PAPSS2: variants seen among roughly 807,000 people sequenced by gnomAD.
PAPSS2 encodes the protein 3'-phosphoadenosine 5'-phosphosulfate synthase 2.
Under a neutral mutation model 66.5 loss-of-function variants are expected in PAPSS2, and 61 were observed. The observed-to-expected ratio is 0.92, with a 90% CI of 0.75 to 1.14. The LOEUF is 1.14. Ranked by LOEUF, PAPSS2 falls within the 50% of genes most tolerant of loss-of-function variation. The probability of loss-of-function intolerance (pLI) is 0.00; values close to 1 mark genes in which losing one functional copy is unlikely to be tolerated. For missense variants in PAPSS2, 708 were observed against 789.6 expected, an observed-to-expected ratio of 0.90 and a Z score of 1.24; for synonymous variants, 289 against 287.5, an observed-to-expected ratio of 1.01 and a Z score of -0.05.
intron 9 of PAPSS2, among the ~76,000 whole-genome samples, chr10:87,732,687 G>C (rs6586101): frequency 5.3e-5 from 8 of 151,994 alleles, no homozygotes; most frequent in Non-Finnish European, 1.0e-4. Flanking sequence ...GCAGTAGTCT[G>C]GAACTGAACC....
chr10:87,701,360 CTTTCTTTCTTTCTTTCTTTCTT>C (rs1564716741), intron 1 of PAPSS2, among the ~76,000 whole-genome samples: 1 of 98,664 alleles, frequency 1.0e-5, no homozygotes, highest in African/African-American at 4.6e-5. Context: ...TTCTTTCTTT[CTTTCTTTCTTTCTTTCTTTCTT>C]TCTTTCTTTC....
chr10:87,734,271 T>C (rs1232873296), intron 9 of PAPSS2, among the ~76,000 whole-genome samples: 1 of 152,120 alleles, frequency 6.6e-6, no homozygotes, highest in Non-Finnish European at 1.5e-5. Context: ...CACTGTTTCT[T>C]CCACCTCTGC....
chr10:87,742,398 G>A lies in PAPSS2; in HGVS notation c.1223-975G>A, dbSNP rs565834788. 1.7e-3 allele frequency among the ~76,000 whole-genome samples: 252 copies of A among 152,304 alleles called. 1 individual carries two copies. The highest frequency in any genetic ancestry group is 0.01 in the Middle Eastern group (3 of 294). On this transcript the variant is annotated intron_variant, in intron 10 of 12. Transcript: ENST00000456849. ...ATTACAGTGGCTACCTCTTGGGGAT[G>A]GAGTTTGGACTAAGAGATTTTTACT...
chr10:87,727,710 C>T (rs1254862369), intron 9 of PAPSS2, among the ~76,000 whole-genome samples: 1 of 152,114 alleles, frequency 6.6e-6, no homozygotes, highest in Admixed American at 6.6e-5. Context: ...TCTCTTGAGT[C>T]CTCAGATTCT....
At chr10:87,738,509 A>G (rs981311504) in intron 9 of PAPSS2, among the ~76,000 whole-genome samples, 24 of 152,120 alleles carry the variant, frequency 1.6e-4, no homozygotes, top group Admixed American at 3.9e-4. Context: ...TCCCAGGCTC[A>G]GGTGATCCTC....
chr10:87,745,154 C>T lies in PAPSS2; in HGVS notation c.1644C>T (p.Thr548=). The T allele has an allele frequency of 3.1e-6, 5 of 1,614,152 alleles. No homozygotes were observed. In the East Asian group the frequency reaches 6.7e-5, roughly 22 times the overall value. ...TCTTGAGCATGGCCCCTGGCCTCACCTCTGTGGAAATCATTCCATTCCGAG... is the reference window on the plus strand; with the variant it reads ...TCTTGAGCATGGCCCCTGGCCTCACTTCTGTGGAAATCATTCCATTCCGAG... ...GKVLSMAPGL[T]SVEIIPFRVA... The change falls in exon 12 of 13, where the codon ACC becomes ACT. Residue 548 remains threonine, a synonymous_variant. Transcript: ENST00000456849.
At position 87,741,215 on chromosome 10, in the gene PAPSS2, C is replaced by T. The variant is rs890587396; in HGVS notation, c.1087-20C>T. On this transcript the variant is annotated intron_variant, in intron 9 of 12. Coordinates refer to ENST00000456849, the MANE Select transcript of PAPSS2 (RefSeq NM_001015880.2). ...GAAATCACAATTAATCATTAGCAAT[C>T]ATAACAATGTTCTTTCTAGATGGTG... 3 of 1,612,140 alleles carry T rather than the reference C, an allele frequency of 1.9e-6. No homozygotes were observed. Among genetic ancestry groups the T allele is most frequent in the South Asian group, 2.2e-5 (2 of 91,042 alleles).
At chr10:87,735,288 G>T (rs1040140141) in intron 9 of PAPSS2, among the ~76,000 whole-genome samples, 2 of 152,100 alleles carry the variant, frequency 1.3e-5, no homozygotes, top group Non-Finnish European at 2.9e-5. Context: ...GATGCCCCTT[G>T]TCCCTCCCCA....
chr10:87,703,140 G>A (rs1240389402), intron 1 of PAPSS2, among the ~76,000 whole-genome samples: 1 of 152,186 alleles, frequency 6.6e-6, no homozygotes, highest in Non-Finnish European at 1.5e-5. Flanking sequence ...AGGTAACGAA[G>A]TGTTCATGAC....
At position 87,743,436 on chromosome 10, in the gene PAPSS2, A is replaced by G. The variant is rs201906347; in HGVS notation, c.1286A>G (p.Asp429Gly). Residue 429 changes from aspartate (D) to glycine (G), a missense_variant, in exon 11 of 13, where the codon GAC becomes GGC. Asp to Gly is a moderately conservative substitution (Grantham distance 94). Transcript: ENST00000456849. ...AATGGCCATGCCCTGTTGATGCAGGACACTCGCCGCAGGCTCCTAGAGAGG... is the reference window on the plus strand; with the variant it reads ...AATGGCCATGCCCTGTTGATGCAGGGCACTCGCCGCAGGCTCCTAGAGAGG... Reference protein sequence around the residue: ...VHNGHALLMQDTRRRLLERGY... With the variant: ...VHNGHALLMQGTRRRLLERGY... The G allele has an allele frequency of 3.1e-6, 5 of 1,614,074 alleles. No homozygotes were observed. The Admixed American group carries it at 6.7e-5, about 22-fold the overall frequency.
chr10:87,701,721 A>G (rs1301047152), intron 1 of PAPSS2, among the ~76,000 whole-genome samples: 2 of 152,182 alleles, frequency 1.3e-5, no homozygotes, highest in Non-Finnish European at 2.9e-5. Context: ...CACCGCACCC[A>G]GCCCAAAACA....
At position 87,673,578 on chromosome 10, in the gene PAPSS2, A is replaced by ATGTGTGTGTGTGTG. The variant is rs35768490; in HGVS notation, c.27+13582_27+13595dup. Among the ~76,000 whole-genome samples the ATGTGTGTGTGTGTG allele has an allele frequency of 3.7e-3, 552 of 148,178 alleles. 2 individuals carry two copies. The highest frequency in any genetic ancestry group is 0.013 in the African/African-American group (526 of 40,442). On this transcript the variant is annotated intron_variant, in intron 1 of 12. Transcript: ENST00000456849. ...TGTGTGTTTGTGTGTGTATGTATTC[A>ATGTGTGTGTGTGTG]TGTGTGTGTGTGTGTGTGTGTGTGT...
chr10:87,682,125 C>T (rs1036256487), intron 1 of PAPSS2, among the ~76,000 whole-genome samples: 2 of 151,998 alleles, frequency 1.3e-5, no homozygotes, highest in South Asian at 2.1e-4. Flanking sequence ...AAATAGAATA[C>T]GAAGGGAAAA....
chr10:87,660,309 G>C, intron 1 of PAPSS2: 1 of 560,480 alleles, frequency 1.8e-6, no homozygotes, highest in South Asian at 2.2e-5. Flanking sequence ...CCAGGACCAG[G>C]GACAGGAAAT....
At chr10:87,688,465 T>TTATTTATTTATG (rs1215619618) in intron 1 of PAPSS2, among the ~76,000 whole-genome samples, 1 of 150,326 alleles carries the variant, frequency 6.7e-6, no homozygotes, top group African/African-American at 2.4e-5. Context: ...ATTTATTTAT[T>TTATTTATTTATG]TATTTATTTA....
At chr10:87,708,015 C>T (rs936413107) in intron 1 of PAPSS2, among the ~76,000 whole-genome samples, 11 of 152,126 alleles carry the variant, frequency 7.2e-5, no homozygotes, top group African/African-American at 1.4e-4. Context: ...AATTACACAC[C>T]GCAGACATCT....
intron 8 of PAPSS2, among the ~76,000 whole-genome samples, chr10:87,722,958 G>A (rs1270569535): frequency 1.3e-5 from 2 of 152,258 alleles, no homozygotes; most frequent in East Asian, 3.9e-4. Context: ...TTTCACTCAA[G>A]GCCAAGATGA....
intron 9 of PAPSS2, among the ~76,000 whole-genome samples, chr10:87,733,711 G>A (rs1027193059): frequency 3.3e-5 from 5 of 152,102 alleles, no homozygotes; most frequent in African/African-American, 1.2e-4. Context: ...AAAGCTCCCC[G>A]TGATTCTAAT....
At chr10:87,689,944 A>G (rs1188611409) in intron 1 of PAPSS2, among the ~76,000 whole-genome samples, 2 of 152,224 alleles carry the variant, frequency 1.3e-5, no homozygotes, top group Non-Finnish European at 2.9e-5. Flanking sequence ...AAGTCTTGAT[A>G]TACTCTGTGG....
Sources: gnomAD v4.1 joint callset for allele counts (sites outside exome capture counted in the v4.1 genomes callset) on GRCh38, gnomAD v4.1.1 for gene constraint, MANE v1.5 for transcripts, NCBI Gene and HGNC (gene_info 2026-07-23, HGNC 2026-07-21) for gene names.